ST3GAL3: variants seen among roughly 807,000 people sequenced by gnomAD.
The protein encoded by ST3GAL3 is ST3 beta-galactoside alpha-2,3-sialyltransferase 3, also known as CMP-N-acetylneuraminate-beta-1,4-galactoside alpha-2,3-sialyltransferase.
A neutral mutation model predicts 50.1 loss-of-function variants in ST3GAL3; 21 were observed. That is an observed-to-expected ratio of 0.42 (90% CI 0.30 to 0.60). The LOEUF is 0.60. Among genes scored for constraint, ST3GAL3 ranks in the 20% least tolerant of loss-of-function variants. The pLI, the probability that ST3GAL3 is intolerant of heterozygous loss-of-function variation, is 0.19. For synonymous variants in ST3GAL3, 183 were observed against 190.0 expected (o/e 0.96, Z 0.30); for missense variants, 353 against 489.4 (o/e 0.72, Z 2.63).
chr1:43,826,706 C>A (rs923639110), intron 4 of ST3GAL3, among the ~76,000 whole-genome samples: 4 of 152,128 alleles, frequency 2.6e-5, no homozygotes, highest in Non-Finnish European at 2.9e-5. Context: ...AAATTATTAG[C>A]AAATTGAGTT....
chr1:43,862,677 G>A (rs2070291476), intron 5 of ST3GAL3, among the ~76,000 whole-genome samples: 1 of 151,716 alleles, frequency 6.6e-6, no homozygotes, highest in Non-Finnish European at 1.5e-5. Flanking sequence ...GGAGGCTGAG[G>A]CGGGAGGATC....
chr1:43,800,268 A>G (rs531731586), intron 3 of ST3GAL3, among the ~76,000 whole-genome samples: 36 of 152,224 alleles, frequency 2.4e-4, no homozygotes, highest in Non-Finnish European at 4.6e-4. Flanking sequence ...AGTCTAGGTC[A>G]GTGGGCTTTT....
chr1:43,744,937 G>C (rs1682961920), intron 2 of ST3GAL3, among the ~76,000 whole-genome samples: 1 of 151,870 alleles, frequency 6.6e-6, no homozygotes, highest in Admixed American at 6.6e-5. Flanking sequence ...GTTGCAGTGA[G>C]CCAAGATCGT....
chr1:43,909,744 A>G (rs2080464819), intron 9 of ST3GAL3, among the ~76,000 whole-genome samples: 1 of 152,238 alleles, frequency 6.6e-6, no homozygotes, highest in Admixed American at 6.5e-5. Context: ...AACCTTGAAA[A>G]ACATATTTAG....
intron 2 of ST3GAL3, among the ~76,000 whole-genome samples, chr1:43,740,757 A>G (rs1680522048): frequency 6.6e-6 from 1 of 151,954 alleles, no homozygotes; most frequent in Non-Finnish European, 1.5e-5. Flanking sequence ...TCAAGGTTGC[A>G]GTGAGCTATG....
chr1:43,862,494 G>A (rs542220754), intron 5 of ST3GAL3, among the ~76,000 whole-genome samples: 1 of 152,122 alleles, frequency 6.6e-6, no homozygotes, highest in Admixed American at 6.5e-5. Flanking sequence ...TGGGCTTGGG[G>A]AGGGAAATGG....
intron 4 of ST3GAL3, among the ~76,000 whole-genome samples, chr1:43,817,636 C>T (rs529867826): frequency 1.6e-4 from 19 of 118,336 alleles, no homozygotes; most frequent in Admixed American, 5.8e-4. Context: ...CCTTCTCCTC[C>T]TCCTTCTCCT....
chr1:43,748,533 A>G (rs1028908018), intron 2 of ST3GAL3, among the ~76,000 whole-genome samples: 2 of 151,124 alleles, frequency 1.3e-5, no homozygotes, highest in African/African-American at 2.4e-5. Flanking sequence ...AGCTTAAGCA[A>G]TCCTCCTGCC....
chr1:43,893,437 G>A (rs2076930732), intron 5 of ST3GAL3, among the ~76,000 whole-genome samples: 1 of 152,166 alleles, frequency 6.6e-6, no homozygotes, highest in South Asian at 2.1e-4. Context: ...CCCTGAAAAG[G>A]GCCTTCAAAG....
At chr1:43,773,321 T>G (rs1696016642) in intron 2 of ST3GAL3, among the ~76,000 whole-genome samples, 1 of 152,172 alleles carries the variant, frequency 6.6e-6, no homozygotes, top group Non-Finnish European at 1.5e-5. Flanking sequence ...ACTCATGCCT[T>G]CCTTGGCATC....
At chr1:43,828,554 A>G (rs1010096281) in intron 4 of ST3GAL3, among the ~76,000 whole-genome samples, 9 of 152,242 alleles carry the variant, frequency 5.9e-5, no homozygotes, top group African/African-American at 2.2e-4. Context: ...AACATTAAGA[A>G]AACAACCAAC....
At chr1:43,768,982 A>G (rs1694111356) in intron 2 of ST3GAL3, among the ~76,000 whole-genome samples, 1 of 152,250 alleles carries the variant, frequency 6.6e-6, no homozygotes, top group African/African-American at 2.4e-5. Context: ...ACCTAAAAAT[A>G]TAAATGTAAA....
intron 2 of ST3GAL3, among the ~76,000 whole-genome samples, chr1:43,740,688 C>T (rs796405795): frequency 7.2e-5 from 11 of 152,016 alleles, no homozygotes; most frequent in African/African-American, 2.2e-4. Flanking sequence ...CACACGTGTA[C>T]GGCGAGTGGT....
chr1:43,794,685 A>T (rs1015690086), intron 3 of ST3GAL3, among the ~76,000 whole-genome samples: 4 of 152,252 alleles, frequency 2.6e-5, no homozygotes, highest in Admixed American at 2.0e-4. Flanking sequence ...CAAATACCTA[A>T]CAACAGTAGA....
intron 5 of ST3GAL3, chr1:43,894,142 C>T (rs965294659): frequency 2.4e-5 from 13 of 536,972 alleles, no homozygotes; most frequent in Middle Eastern, 5.2e-4. Context: ...CTTGTCTCTC[C>T]ACTCCTACAG....
chr1:43,817,697 CCTT>C (rs1417148180), intron 4 of ST3GAL3, among the ~76,000 whole-genome samples: 2 of 141,948 alleles, frequency 1.4e-5, no homozygotes, highest in Admixed American at 1.4e-4. Flanking sequence ...TTCTTCTTCT[CCTT>C]CTTCCTTCTC....
rs574650758 is a variant in ST3GAL3, at chr1:43,765,799, G to A, written c.119-26303G>A. On this transcript the variant is annotated intron_variant, in intron 2 of 11. Transcript: ENST00000347631. ...TGTGTGTGTGTGCGCGCGCGCGCGCGCGTCCGCGCGTCCGCGTGCGCTTTT... is the reference window on the plus strand; with the variant it reads ...TGTGTGTGTGTGCGCGCGCGCGCGCACGTCCGCGCGTCCGCGTGCGCTTTT... 1.3e-4 allele frequency among the ~76,000 whole-genome samples: 18 copies of A among 143,474 alleles called. 1 individual carries two copies. In the East Asian group the frequency reaches 2.3e-3, roughly 19 times the overall value. 94.1% of individuals were successfully genotyped at this position (143,474 alleles called of 152,430 possible). A position where few individuals can be genotyped will look rare whatever the true frequency, so the allele number is the denominator to read the frequency against.
intron 9 of ST3GAL3, among the ~76,000 whole-genome samples, chr1:43,907,184 G>T (rs774486118): frequency 2.0e-5 from 3 of 152,180 alleles, no homozygotes; most frequent in Non-Finnish European, 4.4e-5. Context: ...ATTTTGGACC[G>T]AAGGTGTTTC....
chr1:43,741,553 G>C (rs531090422), intron 2 of ST3GAL3, among the ~76,000 whole-genome samples: 1 of 152,334 alleles, frequency 6.6e-6, no homozygotes, highest in East Asian at 1.9e-4. Context: ...AGGTTGAAGT[G>C]AGTTTAATAG....
Sources: allele counts gnomAD v4.1 joint callset (sites outside exome capture counted in the v4.1 genomes callset), GRCh38; gene constraint gnomAD v4.1.1; transcripts MANE v1.5; gene names NCBI Gene and HGNC (gene_info 2026-07-23, HGNC 2026-07-21).